The following TBL1X variants were observed in gnomAD, a reference collection of about 807,000 sequenced individuals.
The protein encoded by TBL1X is F-box-like/WD repeat-containing protein TBL1X.
TBL1X carries 10 observed loss-of-function variants against 50.7 expected under a neutral mutation model. The observed-to-expected ratio is 0.20, with a 90% CI of 0.12 to 0.33. TBL1X has a LOEUF of 0.33. Ranked by LOEUF, TBL1X falls within the 10% of genes least tolerant of loss-of-function variation. The pLI is 1.00. For missense variants in TBL1X, 340 were observed against 504.4 expected (o/e 0.67, Z 3.12); for synonymous variants, 190 against 214.7 (o/e 0.88, Z 1.01).
intron 2 of TBL1X, among the ~76,000 whole-genome samples, chrX:9,576,392 G>A (rs1172383446): frequency 2.7e-5 from 3 of 112,465 alleles, no homozygotes; most frequent in African/African-American, 9.7e-5. Flanking sequence ...CACACCCATC[G>A]GGAGAGATTG....
intron 1 of TBL1X, among the ~76,000 whole-genome samples, chrX:9,494,874 G>C (rs1208778051): frequency 8.9e-6 from 1 of 112,202 alleles, no homozygotes; most frequent in Non-Finnish European, 1.9e-5. Flanking sequence ...AGGTCTTAGA[G>C]GAGTTGTAAA....
At chrX:9,601,823 T>G (rs1184994973) in intron 2 of TBL1X, among the ~76,000 whole-genome samples, 1 of 111,886 alleles carries the variant, frequency 8.9e-6, no homozygotes, top group African/African-American at 3.3e-5. Context: ...GGCAAATCAC[T>G]TTGAGGCCAG....
chrX:9,707,557 G>C (rs910656713), intron 13 of TBL1X, among the ~76,000 whole-genome samples: 8 of 112,228 alleles, frequency 7.1e-5, no homozygotes, highest in Admixed American at 4.7e-4. Context: ...AGGCGGCCCA[G>C]GAACCGGGGC....
At chrX:9,465,967 G>A (rs2081770691) in intron 1 of TBL1X, among the ~76,000 whole-genome samples, 1 of 112,953 alleles carries the variant, frequency 8.9e-6, no homozygotes, top group Non-Finnish European at 1.9e-5. Flanking sequence ...CGCGGAGTGG[G>A]GCAAGCGGCG....
At chrX:9,484,329 C>T (rs1398689579) in intron 1 of TBL1X, among the ~76,000 whole-genome samples, 1 of 111,482 alleles carries the variant, frequency 9.0e-6, no homozygotes, top group East Asian at 2.8e-4. Context: ...CACACACACA[C>T]ACACACCCAT....
At chrX:9,630,959 A>G (rs2082718249) in intron 2 of TBL1X, among the ~76,000 whole-genome samples, 1 of 111,165 alleles carries the variant, frequency 9.0e-6, no homozygotes, top group African/African-American at 3.3e-5. Flanking sequence ...ATATATCAAC[A>G]ACATATAATC....
intron 5 of TBL1X, among the ~76,000 whole-genome samples, chrX:9,659,017 G>T (rs2082881289): frequency 9.0e-6 from 1 of 110,935 alleles, no homozygotes; most frequent in Non-Finnish European, 1.9e-5. Flanking sequence ...TAGAGACAGG[G>T]TCTCACTGTG....
At chrX:9,470,881 G>T (rs1214150179) in intron 1 of TBL1X, among the ~76,000 whole-genome samples, 1 of 111,675 alleles carries the variant, frequency 9.0e-6, no homozygotes, top group East Asian at 2.8e-4. Flanking sequence ...TGATCCACTC[G>T]CCTCGGCCTC....
chrX:9,647,708 A>G (rs917776743), intron 3 of TBL1X, among the ~76,000 whole-genome samples: 7 of 112,073 alleles, frequency 6.2e-5, no homozygotes, highest in African/African-American at 2.3e-4. Flanking sequence ...TGTACATACT[A>G]GAAAAGAATG....
At chrX:9,588,666 C>T (rs1410446231) in intron 2 of TBL1X, among the ~76,000 whole-genome samples, 1 of 107,495 alleles carries the variant, frequency 9.3e-6, no homozygotes, top group African/African-American at 3.4e-5. Context: ...TGCAGTGATG[C>T]GATCTCGGCT....
chrX:9,623,269 A>G (rs891376325), intron 2 of TBL1X, among the ~76,000 whole-genome samples: 4 of 112,381 alleles, frequency 3.6e-5, no homozygotes, highest in African/African-American at 9.7e-5. Context: ...TGGAAATTCA[A>G]TGAAATTCAG....
rs183667230 is a variant in TBL1X, at chrX:9,691,304, C to T, written c.617-275C>T. Among the ~76,000 whole-genome samples, 870 of 109,544 alleles carry T rather than the reference C, an allele frequency of 7.9e-3. 23 individuals are homozygous for T. Among genetic ancestry groups the T allele is most frequent in the Admixed American group, 0.078 (796 of 10,226 alleles). On this transcript the variant is annotated intron_variant, in intron 7 of 17. Transcript: ENST00000645353. Reference sequence around the variant, plus strand: ...TACAAAAATTAGCCTGGTGTGGTGGCACATGCCTGTAATCCCAGCTGCTTG... The same window carrying T: ...TACAAAAATTAGCCTGGTGTGGTGGTACATGCCTGTAATCCCAGCTGCTTG...
intron 15 of TBL1X, among the ~76,000 whole-genome samples, chrX:9,710,385 G>A (rs1056767961): frequency 1.8e-5 from 2 of 110,621 alleles, no homozygotes; most frequent in African/African-American, 3.3e-5. Flanking sequence ...ACTGAGAGAC[G>A]GAACCAAAAA....
Position 9,483,894 on chromosome X carries a change from G to A in TBL1X, c.-200-17886G>A, listed in dbSNP as rs564077784. 1.4e-4 allele frequency among the ~76,000 whole-genome samples: 16 copies of A among 111,968 alleles called. No homozygotes were observed. In the South Asian group the frequency reaches 4.4e-3, roughly 31 times the overall value. On this transcript the variant is annotated intron_variant, in intron 1 of 17. Transcript: ENST00000645353. ...AATATGTAGTCTTGGGTCTTTATCC[G>A]AATGGAGTCCTATTATATTTGTTTC...
intron 2 of TBL1X, among the ~76,000 whole-genome samples, chrX:9,583,536 A>G (rs1402011925): frequency 9.0e-6 from 1 of 111,729 alleles, no homozygotes; most frequent in Non-Finnish European, 1.9e-5. Context: ...AAGAAGGTCA[A>G]TGGCATATAA....
chrX:9,679,466 C>T (rs1002446626), intron 5 of TBL1X, among the ~76,000 whole-genome samples: 2 of 111,670 alleles, frequency 1.8e-5, no homozygotes, highest in African/African-American at 6.5e-5. Flanking sequence ...CTAGCGTCTT[C>T]AGGAATGTCT....
chrX:9,688,366 C>T (rs952563412), intron 7 of TBL1X, 91 bp downstream of exon 7: 11 of 819,043 alleles, frequency 1.3e-5, no homozygotes, highest in African/African-American at 1.3e-4. Flanking sequence ...AAAAACCTGC[C>T]TGCTATAAAT....
chrX:9,687,805 C>A (rs1180555895), intron 6 of TBL1X, among the ~76,000 whole-genome samples: 2 of 110,520 alleles, frequency 1.8e-5, no homozygotes, highest in Admixed American at 9.6e-5. Context: ...TTAGTTCTTA[C>A]CAACAGTTTG....
intron 2 of TBL1X, among the ~76,000 whole-genome samples, chrX:9,559,757 A>G (rs951328258): frequency 2.7e-5 from 3 of 112,219 alleles, no homozygotes; most frequent in Non-Finnish European, 5.6e-5. Context: ...TATAGCCTTC[A>G]GTATACTTCA....
Sources: allele counts gnomAD v4.1 joint callset (sites outside exome capture counted in the v4.1 genomes callset), GRCh38; gene constraint gnomAD v4.1.1; transcripts MANE v1.5; gene names NCBI Gene and HGNC (gene_info 2026-07-23, HGNC 2026-07-21).